PXDNL: variants seen among roughly 807,000 people sequenced by gnomAD.
PXDNL encodes probable oxidoreductase PXDNL.
PXDNL carries 145 observed loss-of-function variants against 150.8 expected under a neutral mutation model. The observed-to-expected ratio is 0.96, with a 90% CI of 0.84 to 1.10. The LOEUF is 1.10. PXDNL is among the 50% of genes least tolerant of loss of function. The pLI is 0.00. For missense variants in PXDNL, 2,087 were observed against 1,873.9 expected (o/e 1.11, Z -2.10); for synonymous variants, 757 against 725.7 (o/e 1.04, Z -0.69).
At chr8:51,553,761 TATATATATATAC>T (rs201393342) in intron 4 of PXDNL, among the ~76,000 whole-genome samples, 9,858 of 79,996 alleles carry the variant, frequency 0.12, 443 homozygotes, top group Admixed American at 0.18. Flanking sequence ...TATATATATA[TATATATATATAC>T]ACACACTGAA....
At chr8:51,662,784 G>C (rs1230985250) in intron 1 of PXDNL, among the ~76,000 whole-genome samples, 1 of 152,148 alleles carries the variant, frequency 6.6e-6, no homozygotes, top group Non-Finnish European at 1.5e-5. Context: ...TACTTTATGA[G>C]TCTTACTGTT....
At chr8:51,472,437 G>T in intron 7 of PXDNL, 133 bp from the exon 8 acceptor site, 1 of 602,706 alleles carries the variant, frequency 1.7e-6, no homozygotes, top group South Asian at 2.3e-5. Context: ...GCATTTACCC[G>T]GTAATACATG....
intron 1 of PXDNL, among the ~76,000 whole-genome samples, chr8:51,739,376 C>T (rs56196316): frequency 1.6e-3 from 244 of 152,078 alleles, no homozygotes; most frequent in South Asian, 5.8e-3. Context: ...GGAGTGTCAC[C>T]GCTTTTATTC....
At chr8:51,331,648 C>T (rs957726261) in intron 21 of PXDNL, among the ~76,000 whole-genome samples, 2 of 152,076 alleles carry the variant, frequency 1.3e-5, no homozygotes, top group African/African-American at 2.4e-5. Context: ...GCAGGTGTCA[C>T]GGTGGGAATG....
chr8:51,376,634 T>C (rs7010027), intron 17 of PXDNL, among the ~76,000 whole-genome samples: 7,186 of 152,152 alleles, frequency 0.047, 529 homozygotes, highest in African/African-American at 0.16. Context: ...CTTCTTTCAC[T>C]ACAGGGAAGT....
At chr8:51,416,835 C>A (rs1189820235) in intron 14 of PXDNL, among the ~76,000 whole-genome samples, 3 of 152,136 alleles carry the variant, frequency 2.0e-5, no homozygotes, top group Non-Finnish European at 4.4e-5. Flanking sequence ...TAAAGTTGTT[C>A]AGATTCTTAA....
At chr8:51,403,141 T>C (rs529746527) in intron 17 of PXDNL, among the ~76,000 whole-genome samples, 1 of 151,504 alleles carries the variant, frequency 6.6e-6, no homozygotes, top group South Asian at 2.1e-4. Context: ...AGTGTGATTC[T>C]TGAGAGCAAG....
At position 51,374,725 on chromosome 8, in the gene PXDNL, G is replaced by C. The variant is rs376124066; in HGVS notation, c.3564C>G (p.Tyr1188Ter). 3.1e-6 allele frequency: 5 copies of C among 1,613,534 alleles called. No individual in the cohort carries two copies. The South Asian group carries it at 3.3e-5, about 11-fold the overall frequency. Residue 1188 changes from tyrosine to a stop codon, truncating the protein, a stop_gained, in exon 18 of 23, where the codon TAC (tyrosine) becomes TAG (stop). Coordinates refer to ENST00000356297, the MANE Select transcript of PXDNL (RefSeq NM_144651.5). LOFTEE classifies it high-confidence loss of function. ...SEIRQKLRKL[Y>*]GSPGDIDLWP... ...AGAGGTCAATGTCACCTGGAGAGCCGTACAACCTGGAACAGAGACAGGCAG... is the reference window on the plus strand; with the variant it reads ...AGAGGTCAATGTCACCTGGAGAGCCCTACAACCTGGAACAGAGACAGGCAG...
rs200630178 is a variant in PXDNL at position 51,475,033 on chromosome 8, T to G, written c.633A>C (p.Glu211Asp). ...CACGCCCATGGAGTCTCCTGGGATATTCGCAGGTAGCCGCAGCCTGGGTGT... is the reference window on the plus strand; with the variant it reads ...CACGCCCATGGAGTCTCCTGGGATAGTCGCAGGTAGCCGCAGCCTGGGTGT... ...HGHTQAAATC[E>D]YPRRLHGRAV... The change falls in exon 7 of 23, where the codon GAA (glutamate) becomes GAC (aspartate). Residue 211 changes from glutamate (E) to aspartate (D), a missense_variant. Coordinates refer to ENST00000356297, the MANE Select transcript of PXDNL (RefSeq NM_144651.5). The G allele has an allele frequency of 6.2e-7, 1 of 1,612,944 alleles. No individual in the cohort carries two copies. The highest frequency in any genetic ancestry group is 2.2e-5 in the East Asian group (1 of 44,864).
chr8:51,336,937 G>C (rs916456016), intron 21 of PXDNL, among the ~76,000 whole-genome samples: 37 of 152,078 alleles, frequency 2.4e-4, no homozygotes, highest in Admixed American at 2.2e-3. Context: ...TTAGATTATG[G>C]AGAGATCTAG....
In PXDNL at chr8:51,809,354, C is replaced by T. The variant is rs941309658; in HGVS notation, c.-10G>A. 12 of 1,517,650 alleles carry T rather than the reference C, an allele frequency of 7.9e-6. No homozygotes were observed. The highest frequency in any genetic ancestry group is 5.0e-5 in the East Asian group (2 of 39,766). 94.0% of individuals were successfully genotyped at this position (1,517,650 alleles called of 1,614,324 possible). Reference sequence around the variant, plus strand: ...ACAGTCTGGGCTCCATCGCTCCATTCGCTGCTGGCCACGCGAAGAAGCAGC... The same window carrying T: ...ACAGTCTGGGCTCCATCGCTCCATTTGCTGCTGGCCACGCGAAGAAGCAGC... On this transcript the variant is annotated 5_prime_UTR_variant, in exon 1 of 23. Coordinates refer to ENST00000356297, the MANE Select transcript of PXDNL (RefSeq NM_144651.5).
chr8:51,457,730 G>C, intron 8 of PXDNL, 63 bp from the exon 9 acceptor site: 1 of 1,314,504 alleles, frequency 7.6e-7, no homozygotes, highest in Non-Finnish European at 1.1e-6. Context: ...CTCTTAACAA[G>C]ACTGAGAATA....
chr8:51,692,197 A>T (rs1816016444), intron 1 of PXDNL, among the ~76,000 whole-genome samples: 1 of 152,246 alleles, frequency 6.6e-6, no homozygotes, highest in African/African-American at 2.4e-5. Flanking sequence ...TTACAAAACT[A>T]CAAGGATCTG....
At chr8:51,745,894 C>T (rs1003558937) in intron 1 of PXDNL, among the ~76,000 whole-genome samples, 3 of 152,070 alleles carry the variant, frequency 2.0e-5, no homozygotes, top group African/African-American at 7.2e-5. Flanking sequence ...CTCAGCCTCC[C>T]GAGTAGCTGG....
intron 1 of PXDNL, among the ~76,000 whole-genome samples, chr8:51,667,540 A>T (rs1391236338): frequency 6.6e-6 from 1 of 152,148 alleles, no homozygotes; most frequent in Non-Finnish European, 1.5e-5. Flanking sequence ...TTACTGCAAC[A>T]GTATTTTTGT....
intron 9 of PXDNL, among the ~76,000 whole-genome samples, chr8:51,457,076 G>A (rs1168448983): frequency 1.3e-5 from 2 of 152,230 alleles, no homozygotes; most frequent in African/African-American, 2.4e-5. Flanking sequence ...CCCCTGGAAA[G>A]TTGAATAAGG....
chr8:51,499,889 A>G, intron 4 of PXDNL, 119 bp from the exon 5 acceptor site: 1 of 648,418 alleles, frequency 1.5e-6, no homozygotes, highest in Non-Finnish European at 2.8e-6. Context: ...ACCACTATAT[A>G]TCACATACAA....
chr8:51,510,985 G>A (rs1411944870), intron 4 of PXDNL, among the ~76,000 whole-genome samples: 1 of 152,194 alleles, frequency 6.6e-6, no homozygotes, highest in African/African-American at 2.4e-5. Context: ...ATCAAGGGAT[G>A]TGTTAGCTAT....
chr8:51,411,119 A>G, intron 16 of PXDNL, 131 bp downstream of exon 16: 1 of 712,922 alleles, frequency 1.4e-6, no homozygotes, highest in Non-Finnish European at 2.0e-6. Flanking sequence ...TTTATTTGGT[A>G]AAAGTAGTGA....
Sources: gnomAD v4.1 joint callset for allele counts (sites outside exome capture counted in the v4.1 genomes callset) on GRCh38, gnomAD v4.1.1 for gene constraint, MANE v1.5 for transcripts, NCBI Gene and HGNC (gene_info 2026-07-23, HGNC 2026-07-21) for gene names.